Variants in ECE1 observed in about 807,000 individuals in gnomAD.
ECE1 encodes the protein endothelin-converting enzyme 1.
Under a neutral mutation model 98.6 loss-of-function variants are expected in ECE1, and 35 were observed. That is an observed-to-expected ratio of 0.35 (90% CI 0.27 to 0.47). The LOEUF is 0.47. Ranked by LOEUF, ECE1 falls within the 20% of genes least tolerant of loss-of-function variation. The pLI is 1.00. For synonymous variants in ECE1, 394 were observed against 407.1 expected, an observed-to-expected ratio of 0.97 and a Z score of 0.39; for missense variants, 814 against 1,025.3, an observed-to-expected ratio of 0.79 and a Z score of 2.81.
At chr1:21,314,007 C>T (rs1427295707) in intron 1 of ECE1, among the ~76,000 whole-genome samples, 7 of 152,154 alleles carry the variant, frequency 4.6e-5, no homozygotes, top group African/African-American at 1.2e-4. Context: ...AGCTGCTAAA[C>T]GGTAACACCA....
intron 2 of ECE1, among the ~76,000 whole-genome samples, chr1:21,281,532 G>C (rs2098254546): frequency 6.6e-6 from 1 of 152,100 alleles, no homozygotes; most frequent in Admixed American, 6.5e-5. Context: ...TACTCAGAGG[G>C]GTCCCAAGGA....
At chr1:21,318,865 C>T (rs960369041) in intron 1 of ECE1, among the ~76,000 whole-genome samples, 3 of 152,102 alleles carry the variant, frequency 2.0e-5, no homozygotes, top group African/African-American at 4.8e-5. Flanking sequence ...TCGGGGGAGA[C>T]GCTGAGCGAG....
chr1:21,238,269 C>T (rs1180876688), intron 10 of ECE1, 25 bp from the exon 11 acceptor site: 43 of 1,583,588 alleles, frequency 2.7e-5, no homozygotes, highest in Non-Finnish European at 3.6e-5. Context: ...TCAGGGGGCT[C>T]GCTGGGCCCC....
intron 4 of ECE1, among the ~76,000 whole-genome samples, chr1:21,263,185 C>CT (rs1482653886): frequency 1.3e-5 from 2 of 152,106 alleles, no homozygotes; most frequent in Admixed American, 1.3e-4. Context: ...CATTCCATGT[C>CT]TTAGTGGTCC....
chr1:21,226,449 G>A (rs2098174350), intron 16 of ECE1, among the ~76,000 whole-genome samples: 1 of 152,166 alleles, frequency 6.6e-6, no homozygotes, highest in African/African-American at 2.4e-5. Context: ...GGCAGAGCAA[G>A]GATTTGAACC....
upstream of ECE1, among the ~76,000 whole-genome samples, chr1:21,293,090 G>A (rs753156993): frequency 6.6e-6 from 1 of 152,192 alleles, no homozygotes; most frequent in Non-Finnish European, 1.5e-5. Flanking sequence ...GCTGGTGTAC[G>A]GGATTTGTCA....
chr1:21,304,315 CAAAAAAAA>C (rs71014183), intron 1 of ECE1, among the ~76,000 whole-genome samples: 164 of 48,626 alleles, frequency 3.4e-3, no homozygotes, highest in African/African-American at 0.016. Context: ...GACTCCCTCT[CAAAAAAAA>C]AAAAAAAAAA....
At position 21,327,898 on chromosome 1, in the gene ECE1, C is replaced by T. The variant is rs1420610705; in HGVS notation, c.3+17478G>A. Among the ~76,000 whole-genome samples, 4 of 152,138 alleles carry T rather than the reference C, an allele frequency of 2.6e-5. No homozygotes were observed. Among genetic ancestry groups the T allele is most frequent in the Non-Finnish European group, 4.4e-5 (3 of 68,036 alleles). ...CGAACCCTATTGTGAACTGCACGTG[C>T]GAGGGATCTAGGCTGTGCATTCCTA... On this transcript the variant is annotated intron_variant, in intron 1 of 18. Transcript: ENST00000415912. This position sits in a 1 kb window ranked among gnomAD's most constrained non-coding sequence, Gnocchi z 4.6.
rs558153433 is a variant in ECE1 at position 21,233,576 on chromosome 1, T to C, written c.1652A>G (p.Lys551Arg). ...SWRVTADQLR[K>R]APNRDQWSMT... The stretch of plus-strand genomic sequence containing the variant: ...AACTCACTGATCTCTGTTGGGGGCT[T>C]TCCTGAGCTGATCGGCAGTGACCCT... The change falls in exon 14 of 19, where the codon AAA becomes AGA. Residue 551 changes from lysine to arginine, a missense_variant. By Grantham distance (26) the Lys-to-Arg change is conservative (BLOSUM62 2). Coordinates refer to ENST00000374893, the MANE Select transcript of ECE1 (RefSeq NM_001397.3). This position sits in a 1 kb window ranked among gnomAD's most constrained non-coding sequence, Gnocchi z 4.0. 3.1e-6 allele frequency: 5 copies of C among 1,613,636 alleles called. No individual in the cohort carries two copies. The Admixed American group carries it at 8.3e-5, about 27-fold the overall frequency.
At chr1:21,231,444 C>T (rs906212921) in intron 14 of ECE1, among the ~76,000 whole-genome samples, 2 of 151,960 alleles carry the variant, frequency 1.3e-5, no homozygotes, top group Non-Finnish European at 1.5e-5. Flanking sequence ...CGGGTTCAAG[C>T]GATTCTCCTG....
intron 2 of ECE1, among the ~76,000 whole-genome samples, chr1:21,285,481 G>T (rs988999822): frequency 1.3e-5 from 2 of 152,086 alleles, no homozygotes; most frequent in Non-Finnish European, 2.9e-5. Context: ...CAGGTAAACA[G>T]ACATGTCTTT....
At chr1:21,296,232 T>G (rs55933860) in intron 1 of ECE1, among the ~76,000 whole-genome samples, 1 of 152,164 alleles carries the variant, frequency 6.6e-6, no homozygotes, top group Non-Finnish European at 1.5e-5. Flanking sequence ...CATGTACCCT[T>G]CAGCCGGGTG....
intron 4 of ECE1, among the ~76,000 whole-genome samples, chr1:21,264,353 C>T (rs1393946341): frequency 4.2e-5 from 6 of 144,142 alleles, no homozygotes; most frequent in African/African-American, 1.3e-4. Context: ...CTCGCTCTGT[C>T]GCCCAGGCTG....
upstream of ECE1, chr1:21,290,469 G>C: frequency 8.2e-7 from 1 of 1,225,740 alleles, no homozygotes; most frequent in Non-Finnish European, 1.0e-6. The surrounding 1 kb of genome is among the most constrained non-coding windows in gnomAD (Gnocchi z 7.3). Flanking sequence ...GGGATGGGCC[G>C]GGCCAGGCGT....
intron 11 of ECE1, among the ~76,000 whole-genome samples, chr1:21,237,415 G>T (rs964123008): frequency 2.0e-5 from 3 of 152,168 alleles, no homozygotes; most frequent in Non-Finnish European, 4.4e-5. Context: ...GAGCAGAGGG[G>T]CCAGCAGACC....
intron 1 of ECE1, among the ~76,000 whole-genome samples, chr1:21,297,614 C>T (rs1359549215): frequency 3.3e-5 from 5 of 150,864 alleles, no homozygotes; most frequent in Non-Finnish European, 7.4e-5. Context: ...TCACTGTAAC[C>T]TCTGCCTCCT....
chr1:21,271,231 G>A (rs761577934), intron 4 of ECE1, among the ~76,000 whole-genome samples: 1 of 152,198 alleles, frequency 6.6e-6, no homozygotes, highest in Non-Finnish European at 1.5e-5. Flanking sequence ...GAAAGGGTGG[G>A]TGTGTTTTAC....
intron 15 of ECE1, among the ~76,000 whole-genome samples, chr1:21,227,464 T>C (rs1467469361): frequency 1.6e-4 from 24 of 152,236 alleles, no homozygotes; most frequent in Non-Finnish European, 1.5e-5. Flanking sequence ...CTGTGCTAGA[T>C]GCTCTACAGA....
In ECE1 at chr1:21,260,158, T is replaced by G; in HGVS notation, c.615+113A>C. Reference sequence around the variant, plus strand: ...TCTCTTTCTGTCTTTCTCTTGGTGCTACCGGCTGGACGTATGAGGTGGGCC... The same window carrying G: ...TCTCTTTCTGTCTTTCTCTTGGTGCGACCGGCTGGACGTATGAGGTGGGCC... On this transcript the variant is annotated intron_variant, in intron 5 of 18. Transcript: ENST00000374893. The surrounding 1 kb of genome is among the most constrained non-coding windows in gnomAD (Gnocchi z 4.3). The G allele has an allele frequency of 6.8e-7, 1 of 1,474,888 alleles. No individual in the cohort carries two copies. Among genetic ancestry groups the G allele is most frequent in the Non-Finnish European group, 9.5e-7 (1 of 1,056,318 alleles). The allele number at this position is 1,474,888 out of a possible 1,614,324, so 91.4% of individuals were successfully genotyped here. A position where few individuals can be genotyped will look rare whatever the true frequency, so the allele number is the denominator to read the frequency against.
Sources: gnomAD v4.1 joint callset for allele counts (sites outside exome capture counted in the v4.1 genomes callset) on GRCh38, gnomAD v4.1.1 for gene constraint, Gnocchi (gnomAD v3.1) non-coding constraint, MANE v1.5 for transcripts, NCBI Gene and HGNC (gene_info 2026-07-23, HGNC 2026-07-21) for gene names.